PRIM2: variants seen among roughly 807,000 people sequenced by gnomAD.
The protein encoded by PRIM2 is DNA primase subunit 2, also known as DNA primase large subunit.
Under a neutral mutation model 67.3 loss-of-function variants are expected in PRIM2, and 39 were observed. That is an observed-to-expected ratio of 0.58 (90% CI 0.45 to 0.76). PRIM2 has a LOEUF of 0.76. Among genes scored for constraint, PRIM2 ranks in the 30% least tolerant of loss-of-function variants. The probability of loss-of-function intolerance (pLI) is 0.00; values close to 1 mark genes in which losing one functional copy is unlikely to be tolerated. For missense variants in PRIM2, 398 were observed against 598.7 expected, an observed-to-expected ratio of 0.66 and a Z score of 3.50; for synonymous variants, 143 against 198.7, an observed-to-expected ratio of 0.72 and a Z score of 2.36.
intron 5 of PRIM2, among the ~76,000 whole-genome samples, chr6:57,330,634 G>T (rs1411756912): frequency 1.3e-5 from 2 of 151,918 alleles, no homozygotes; most frequent in African/African-American, 2.4e-5. Context: ...TTGCCCAATT[G>T]TCCAGCTAGA....
At chr6:57,318,406 A>G (rs766506262) in intron 1 of PRIM2, 31 bp from the exon 2 acceptor site, 2 of 1,528,754 alleles carry the variant, frequency 1.3e-6, no homozygotes, top group Non-Finnish European at 8.8e-7. Flanking sequence ...GTTTTCCATC[A>G]TTTTACGCTT....
the PRIM2 span, among the ~76,000 whole-genome samples, chr6:57,246,644 G>C: frequency 1.1e-4 from 17 of 152,288 alleles, no homozygotes; most frequent in African/African-American, 3.1e-4. Context: ...CAGGTGAATG[G>C]GGAATGGTGA....
intron 12 of PRIM2, among the ~76,000 whole-genome samples, chr6:57,630,957 G>A (rs1374562941): frequency 1.3e-5 from 2 of 152,104 alleles, no homozygotes; most frequent in African/African-American, 4.8e-5. Context: ...TAGTCAGACT[G>A]GCAGAAACCT....
intron 5 of PRIM2, among the ~76,000 whole-genome samples, chr6:57,368,981 G>C (rs1208039818): frequency 6.6e-6 from 1 of 152,198 alleles, no homozygotes; most frequent in East Asian, 1.9e-4. Context: ...AAAAGGAGGA[G>C]AGAACTGGGT....
intron 6 of PRIM2, among the ~76,000 whole-genome samples, chr6:57,381,582 T>C (rs1181620394): frequency 6.6e-6 from 1 of 151,430 alleles, no homozygotes; most frequent in Non-Finnish European, 1.5e-5. Context: ...GGAGTGAGAA[T>C]GGAAACATAC....
At chr6:57,280,663 C>T in the PRIM2 span, among the ~76,000 whole-genome samples, 1 of 152,120 alleles carries the variant, frequency 6.6e-6, no homozygotes, top group Non-Finnish European at 1.5e-5. Context: ...GCGTGTGCTA[C>T]CACGCCTGGC....
At chr6:57,296,379 A>C in the PRIM2 span, among the ~76,000 whole-genome samples, 1 of 152,132 alleles carries the variant, frequency 6.6e-6, no homozygotes, top group Non-Finnish European at 1.5e-5. Context: ...TTTAAAAGAC[A>C]AAGAAGGTCT....
intron 13 of PRIM2, among the ~76,000 whole-genome samples, chr6:57,636,216 G>T (rs1314717691): frequency 1.3e-5 from 2 of 152,108 alleles, no homozygotes; most frequent in African/African-American, 4.8e-5. Context: ...AAACAAAAGA[G>T]TCACAGTAGA....
chr6:57,379,831 A>C, intron 5 of PRIM2, 70 bp from the exon 6 acceptor site: 2 of 1,408,742 alleles, frequency 1.4e-6, no homozygotes, highest in Non-Finnish European at 1.9e-6. Context: ...TCATTAAAAC[A>C]GGAAATCATT....
intron 7 of PRIM2, among the ~76,000 whole-genome samples, chr6:57,488,448 T>C (rs1773803055): frequency 6.6e-6 from 1 of 152,230 alleles, no homozygotes; most frequent in Non-Finnish European, 1.5e-5. Context: ...GTTTCAAAGC[T>C]GGGCCTTTTT....
intron 7 of PRIM2, among the ~76,000 whole-genome samples, chr6:57,492,886 A>G (rs1773929995): frequency 6.6e-6 from 1 of 152,232 alleles, no homozygotes; most frequent in African/African-American, 2.4e-5. Flanking sequence ...AAGAATTTGT[A>G]GAACTGGATA....
intron 7 of PRIM2, among the ~76,000 whole-genome samples, chr6:57,419,068 G>T (rs1771376329): frequency 6.6e-6 from 1 of 152,210 alleles, no homozygotes; most frequent in African/African-American, 2.4e-5. Flanking sequence ...ATATGCATGT[G>T]TGATTGTAGT....
chr6:57,482,858 G>A (rs1339667775), intron 7 of PRIM2, among the ~76,000 whole-genome samples: 2 of 152,164 alleles, frequency 1.3e-5, no homozygotes, highest in Non-Finnish European at 2.9e-5. Flanking sequence ...TTTGAGGCGA[G>A]AGGCTGAGGA....
upstream of PRIM2, among the ~76,000 whole-genome samples, chr6:57,311,780 A>C (rs1352604538): frequency 6.6e-6 from 1 of 152,046 alleles, no homozygotes; most frequent in Non-Finnish European, 1.5e-5. Flanking sequence ...CAATCCCAGC[A>C]CCTCGGGAGG....
chr6:57,467,661 A>G (rs1403594065), intron 7 of PRIM2, among the ~76,000 whole-genome samples: 1 of 152,156 alleles, frequency 6.6e-6, no homozygotes, highest in Non-Finnish European at 1.5e-5. Context: ...TAATTCTGTG[A>G]AGAACGTAAA....
chr6:57,259,785 C>A, the PRIM2 span, among the ~76,000 whole-genome samples: 3 of 152,190 alleles, frequency 2.0e-5, no homozygotes, highest in Non-Finnish European at 4.4e-5. Flanking sequence ...CCACCCTCGC[C>A]CTGGAGTCCC....
chr6:57,290,363 T>TA, the PRIM2 span, among the ~76,000 whole-genome samples: 1 of 152,134 alleles, frequency 6.6e-6, no homozygotes, highest in Admixed American at 6.5e-5. Context: ...AGCAAGTCCT[T>TA]AGAGACCTAC....
the PRIM2 span, among the ~76,000 whole-genome samples, chr6:57,223,987 T>C: frequency 3.9e-5 from 6 of 152,112 alleles, no homozygotes; most frequent in East Asian, 1.2e-3. Context: ...TTCAAAAGAA[T>C]TGAAAACAGG....
chr6:57,228,171 T>C, the PRIM2 span, among the ~76,000 whole-genome samples: 1 of 152,310 alleles, frequency 6.6e-6, no homozygotes, highest in Admixed American at 6.5e-5. Context: ...CCTCAGATGG[T>C]GATAAATAAA....
Sources: gnomAD v4.1 joint callset for allele counts (sites outside exome capture counted in the v4.1 genomes callset) on GRCh38, gnomAD v4.1.1 for gene constraint, MANE v1.5 for transcripts, NCBI Gene and HGNC (gene_info 2026-07-23, HGNC 2026-07-21) for gene names.